The following CDK20 variants were observed in gnomAD, a reference collection of about 807,000 sequenced individuals.
CDK20 encodes cyclin-dependent kinase 20.
CDK20 carries 40 observed loss-of-function variants against 38.6 expected under a neutral mutation model. The ratio of observed to expected loss-of-function variants is 1.04; its 90% CI spans 0.81 to 1.35. The LOEUF (loss-of-function observed/expected upper bound fraction) is 1.35, where lower values mean the gene tolerates loss of function less well. CDK20 is among the 40% of genes most tolerant of loss of function. The probability of loss-of-function intolerance (pLI) is 0.00; values close to 1 mark genes in which losing one functional copy is unlikely to be tolerated. For missense variants in CDK20, 512 were observed against 452.6 expected (o/e 1.13, Z -1.19); for synonymous variants, 209 against 185.7 (o/e 1.13, Z -1.02).
At chr9:87,969,569 C>G in intron 6 of CDK20, 1 of 768,374 alleles carries the variant, frequency 1.3e-6, no homozygotes, top group Non-Finnish European at 2.1e-6. Flanking sequence ...CTTGCTGAGA[C>G]ACTGCACATG....
intron 4 of CDK20, 40 bp from the exon 5 acceptor site, chr9:87,970,670 G>A: frequency 6.2e-7 from 1 of 1,613,630 alleles, no homozygotes; most frequent in Non-Finnish European, 8.5e-7. Flanking sequence ...GCTGAGAAAA[G>A]GATGCCTGGG....
chr9:87,974,060 C>A, intron 1 of CDK20, 25 bp from the exon 2 acceptor site: 1 of 1,613,738 alleles, frequency 6.2e-7, no homozygotes, highest in Non-Finnish European at 8.5e-7. Flanking sequence ...GCAGACACTG[C>A]CAGCCCACCC....
intron 6 of CDK20, 41 bp downstream of exon 6, chr9:87,969,755 A>G (rs765272472): frequency 1.2e-6 from 2 of 1,612,738 alleles, no homozygotes; most frequent in South Asian, 1.1e-5. Context: ...GGAGTGGAGT[A>G]AACCTGCCCC....
chr9:87,970,044 C>T, intron 5 of CDK20, 125 bp from the exon 6 acceptor site: 1 of 1,103,492 alleles, frequency 9.1e-7, no homozygotes, highest in Non-Finnish European at 1.3e-6. Context: ...AGCCTCACGT[C>T]CAGAGGCCCA....
chr9:87,969,613 A>C (rs1382557833), intron 6 of CDK20, 183 bp downstream of exon 6: 1 of 971,016 alleles, frequency 1.0e-6, no homozygotes, highest in African/African-American at 1.6e-5. Flanking sequence ...AAAGGACAGG[A>C]TCTACCCCAA....
chr9:87,970,461 A>C, intron 5 of CDK20, 107 bp downstream of exon 5: 2 of 1,025,108 alleles, frequency 2.0e-6, no homozygotes, highest in South Asian at 3.3e-5. Flanking sequence ...CCCTTAAGGA[A>C]GCCTAAACTC....
intron 7 of CDK20, chr9:87,968,124 G>GATCTA: frequency 6.4e-6 from 1 of 155,240 alleles, no homozygotes; most frequent in Admixed American, 6.3e-5. Context: ...TGAGCACAGG[G>GATCTA]CACAACAGCA....
At chr9:87,969,694 T>A in intron 6 of CDK20, 102 bp downstream of exon 6, 1 of 1,540,688 alleles carries the variant, frequency 6.5e-7, no homozygotes, top group Non-Finnish European at 8.8e-7. Flanking sequence ...TCAAGGGGGG[T>A]TGGGGCCAGG....
rs188462744 is a variant in CDK20, at chr9:87,968,999, G to A, written c.843+195C>T. On this transcript the variant is annotated intron_variant, in intron 7 of 7. Coordinates refer to ENST00000325303, the MANE Select transcript of CDK20 (RefSeq NM_001039803.3). The stretch of plus-strand genomic sequence containing the variant: ...CTCAGGGGAAGTCTGGGGATGTCCA[G>A]TGGGGTCTACTCATGAGAGGCACAC... 494 of 611,708 alleles carry A rather than the reference G, an allele frequency of 8.1e-4. 5 individuals carry two copies. The Admixed American group carries it at 0.014, about 18-fold the overall frequency. The allele number at this position is 611,708 out of a possible 1,614,324, so 37.9% of individuals were successfully genotyped here.
chr9:87,971,101 C>G, intron 3 of CDK20, 46 bp downstream of exon 3: 1 of 1,590,974 alleles, frequency 6.3e-7, no homozygotes, highest in Non-Finnish European at 8.6e-7. Context: ...ATCCCCAAGC[C>G]AAGTCAGCTC....
chr9:87,974,140 C>T, intron 1 of CDK20, 105 bp from the exon 2 acceptor site: 5 of 1,567,714 alleles, frequency 3.2e-6, no homozygotes, highest in South Asian at 1.1e-5. Flanking sequence ...GCCCCCGGCT[C>T]GGCCAGAGGC....
At chr9:87,974,163 T>G (rs1830065955) in intron 1 of CDK20, 128 bp from the exon 2 acceptor site, 1 of 1,500,770 alleles carries the variant, frequency 6.7e-7, no homozygotes, top group African/African-American at 1.4e-5. Context: ...TCCTCGGGGG[T>G]CTAGGACTAG....
At position 87,967,604 on chromosome 9, in the gene CDK20, A is replaced by G. The variant is rs894292510; in HGVS notation, c.899T>C (p.Leu300Pro). Reference sequence around the variant, plus strand: ...TCCCCCTAGACGCTGAGGAATCGGCAGCTCAGATGGATGGGCAGGCAGGGG... The same window carrying G: ...TCCCCCTAGACGCTGAGGAATCGGCGGCTCAGATGGATGGGCAGGCAGGGG... ...TAPLPAHPSELPIPQRLGGPA... is the reference protein window; with the variant it reads ...TAPLPAHPSEPPIPQRLGGPA... The change falls in exon 8 of 8, where the codon CTG (leucine) becomes CCG (proline). Residue 300 changes from leucine to proline, a missense_variant. Transcript: ENST00000325303. 4 of 1,517,380 alleles carry G rather than the reference A, an allele frequency of 2.6e-6. No individual in the cohort carries two copies. Among genetic ancestry groups the G allele is most frequent in the Non-Finnish European group, 3.5e-6 (4 of 1,128,024 alleles). The allele number at this position is 1,517,380 out of a possible 1,614,324, so 94.0% of individuals were successfully genotyped here. A position where few individuals can be genotyped will look rare whatever the true frequency, so the allele number is the denominator to read the frequency against.
rs1456373199 is a variant in CDK20, at chr9:87,967,912, T to C, written c.844-253A>G. On this transcript the variant is annotated intron_variant, in intron 7 of 7. Transcript: ENST00000325303. ...AAGATGAAGTAAAATACACAGTATG[T>C]CAGATAATGATTAGTGCAGTGGAAG... 5 of 427,222 alleles carry C rather than the reference T, an allele frequency of 1.2e-5. No individual in the cohort carries two copies. In the East Asian group the frequency reaches 1.9e-4, roughly 16 times the overall value. The allele number at this position is 427,222 out of a possible 1,614,324, so 26.5% of individuals were successfully genotyped here.
rs1351858985 is a variant in CDK20 at position 87,974,224 on chromosome 9, A to G, written c.75+148T>C. The G allele has an allele frequency of 8.2e-6, 10 of 1,218,238 alleles. No individual in the cohort carries two copies. The East Asian group carries it at 9.9e-5, about 12-fold the overall frequency. 75.5% of individuals were successfully genotyped at this position (1,218,238 alleles called of 1,614,324 possible). On this transcript the variant is annotated intron_variant, in intron 1 of 7. Transcript: ENST00000325303. ...GGACCAAGCCAGCTGTGCGGAGGGA[A>G]GCGCAACGGCCCAAAGTAGGTTTAG...
chr9:87,973,876 C>A (rs1457168681), intron 2 of CDK20, 46 bp downstream of exon 2: 2 of 1,580,262 alleles, frequency 1.3e-6, no homozygotes. Flanking sequence ...GAAGTGGGAA[C>A]GAGCGACTGA....
At chr9:87,969,439 ACTCACATGGGGGGTGCT>A in intron 6 of CDK20, 90 bp from the exon 7 acceptor site, 1 of 1,387,272 alleles carries the variant, frequency 7.2e-7, no homozygotes, top group Middle Eastern at 1.8e-4. Flanking sequence ...CCTAACACAC[ACTCACATGGGGGGTGCT>A]CTCCCATCCA....
At chr9:87,972,724 A>G (rs1342919638) in intron 2 of CDK20, among the ~76,000 whole-genome samples, 1 of 152,230 alleles carries the variant, frequency 6.6e-6, no homozygotes, top group East Asian at 1.9e-4. Flanking sequence ...AATCTAGAGT[A>G]TGTTTTAAAG....
At position 87,974,175 on chromosome 9, in the gene CDK20, C is replaced by G. The variant is rs890322113; in HGVS notation, c.76-140G>C. Reference sequence around the variant, plus strand: ...CCCTCCTCGGGGGTCTAGGACTAGCCTGGGACCCAGCCGCTGGGGTAGGGG... The same window carrying G: ...CCCTCCTCGGGGGTCTAGGACTAGCGTGGGACCCAGCCGCTGGGGTAGGGG... On this transcript the variant is annotated intron_variant, in intron 1 of 7. Coordinates refer to ENST00000325303, the MANE Select transcript of CDK20 (RefSeq NM_001039803.3). 2.8e-6 allele frequency: 4 copies of G among 1,446,656 alleles called. No individual in the cohort carries two copies. The African/African-American group carries it at 4.2e-5, about 15-fold the overall frequency. 89.6% of individuals were successfully genotyped at this position (1,446,656 alleles called of 1,614,324 possible).
Sources: allele counts gnomAD v4.1 joint callset (sites outside exome capture counted in the v4.1 genomes callset), GRCh38; gene constraint gnomAD v4.1.1; transcripts MANE v1.5; gene names NCBI Gene and HGNC (gene_info 2026-07-23, HGNC 2026-07-21).